GALNTL6: variants seen among roughly 807,000 people sequenced by gnomAD.
GALNTL6 encodes the protein polypeptide N-acetylgalactosaminyltransferase like 6.
GALNTL6 carries 46 observed loss-of-function variants against 73.7 expected under a neutral mutation model. That is an observed-to-expected ratio of 0.62 (90% CI 0.49 to 0.80). The LOEUF (loss-of-function observed/expected upper bound fraction) is 0.80. Among genes scored for constraint, GALNTL6 ranks in the 30% least tolerant of loss-of-function variants. The pLI, the probability that GALNTL6 is intolerant of heterozygous loss-of-function variation, is 0.00. For missense variants in GALNTL6, 604 were observed against 755.0 expected (o/e 0.80, Z 2.34); for synonymous variants, 259 against 263.7 (o/e 0.98, Z 0.17).
At chr4:172,044,996 C>T (rs1041470402) in intron 2 of GALNTL6, among the ~76,000 whole-genome samples, 1 of 151,984 alleles carries the variant, frequency 6.6e-6, no homozygotes, top group African/African-American at 2.4e-5. Flanking sequence ...GTATGCCAGC[C>T]TGTGCTGTGT....
chr4:171,938,800 T>C (rs1012441146), intron 2 of GALNTL6, among the ~76,000 whole-genome samples: 4 of 152,100 alleles, frequency 2.6e-5, no homozygotes, highest in Non-Finnish European at 4.4e-5. Context: ...TCCTATCTAA[T>C]GAAAGTAGAG....
At chr4:172,249,239 T>C (rs1737765906) in intron 3 of GALNTL6, among the ~76,000 whole-genome samples, 1 of 152,210 alleles carries the variant, frequency 6.6e-6, no homozygotes. Flanking sequence ...AAGGTCACTC[T>C]TGCTATGCAA....
intron 2 of GALNTL6, among the ~76,000 whole-genome samples, chr4:171,984,391 T>C (rs1294791190): frequency 2.0e-5 from 3 of 152,162 alleles, no homozygotes; most frequent in Non-Finnish European, 4.4e-5. Context: ...TGAGAGGAAG[T>C]GAGCAGGTAG....
intron 12 of GALNTL6, among the ~76,000 whole-genome samples, chr4:173,022,218 AGG>A (rs1208169105): frequency 4.7e-5 from 7 of 148,646 alleles, no homozygotes; most frequent in Non-Finnish European, 8.9e-5. Flanking sequence ...GAAGGAAGGA[AGG>A]AAGGAAGTTT....
intron 2 of GALNTL6, among the ~76,000 whole-genome samples, chr4:172,189,289 T>C (rs1735502437): frequency 6.6e-6 from 1 of 152,156 alleles, no homozygotes. Flanking sequence ...TCTACTGAAA[T>C]AGAATGAATA....
intron 2 of GALNTL6, among the ~76,000 whole-genome samples, chr4:171,847,762 C>A (rs1735413412): frequency 6.6e-6 from 1 of 152,126 alleles, no homozygotes; most frequent in Admixed American, 6.6e-5. Context: ...GAGATTGCAC[C>A]AACTCAGTCA....
chr4:172,075,597 A>C (rs779276266), intron 2 of GALNTL6, among the ~76,000 whole-genome samples: 10 of 152,118 alleles, frequency 6.6e-5, no homozygotes, highest in Non-Finnish European at 1.3e-4. Flanking sequence ...GGCCTCCCAA[A>C]GTGCTGGGAT....
Position 172,122,833 on chromosome 4 carries a change from C to G in GALNTL6, c.139-106823C>G, listed in dbSNP as rs562977522. 2.7e-4 allele frequency among the ~76,000 whole-genome samples: 41 copies of G among 152,290 alleles called. 1 individual carries two copies. In the South Asian group the frequency reaches 3.7e-3, roughly 14 times the overall value. ...TCTCTTTCCTGGGGGGAACCCTTAC[C>G]TGCTCATGTCTGGCTATGTGCCTAT... is the stretch of plus-strand genomic sequence containing the variant. On this transcript the variant is annotated intron_variant, in intron 2 of 12. Coordinates refer to ENST00000506823, the MANE Select transcript of GALNTL6 (RefSeq NM_001034845.3).
intron 2 of GALNTL6, among the ~76,000 whole-genome samples, chr4:171,949,249 A>G (rs62326317): frequency 0.24 from 35,814 of 152,046 alleles, 4,456 homozygotes; most frequent in Middle Eastern, 0.33. Flanking sequence ...TACCTTTAAG[A>G]TACATTAAGA....
At chr4:172,331,341 G>A (rs1741118230) in intron 4 of GALNTL6, among the ~76,000 whole-genome samples, 1 of 151,806 alleles carries the variant, frequency 6.6e-6, no homozygotes. Flanking sequence ...GTGCAGTGGT[G>A]CGATCTGGGC....
rs1554034192 is a variant in GALNTL6 at position 172,546,790 on chromosome 4, A to ATATATACGTATATATACG, written c.553+198108_553+198125dup. On this transcript the variant is annotated intron_variant, in intron 5 of 12. Transcript: ENST00000506823. ...AGAGTTTTTCAACTCCGCTTTATAT[A>ATATATACGTATATATACG]TATATACGTATATATACGTATATAT... 7.1e-3 allele frequency among the ~76,000 whole-genome samples: 268 copies of ATATATACGTATATATACG among 37,522 alleles called. 29 individuals are homozygous for ATATATACGTATATATACG. The highest frequency in any genetic ancestry group is 0.013 in the Non-Finnish European group (208 of 15,588). The allele number at this position is 37,522 out of a possible 152,430, so 24.6% of individuals were successfully genotyped here.
chr4:171,972,510 C>T (rs890840782), intron 2 of GALNTL6, among the ~76,000 whole-genome samples: 2 of 152,006 alleles, frequency 1.3e-5, no homozygotes, highest in Admixed American at 6.6e-5. Flanking sequence ...GCCTGTGGGT[C>T]ATTTGATACA....
chr4:171,988,770 G>A (rs1412827786), intron 2 of GALNTL6, among the ~76,000 whole-genome samples: 1 of 152,130 alleles, frequency 6.6e-6, no homozygotes, highest in Non-Finnish European at 1.5e-5. Flanking sequence ...CAGTGGGATG[G>A]GATATTGGCA....
chr4:172,045,621 T>C (rs1034330907), intron 2 of GALNTL6, among the ~76,000 whole-genome samples: 1 of 151,988 alleles, frequency 6.6e-6, no homozygotes, highest in African/African-American at 2.4e-5. Flanking sequence ...AAAACTACTG[T>C]TCCTTTTTAG....
chr4:171,817,129 T>C (rs936255510), intron 2 of GALNTL6, among the ~76,000 whole-genome samples: 3 of 151,992 alleles, frequency 2.0e-5, no homozygotes, highest in Non-Finnish European at 4.4e-5. Flanking sequence ...TTGCAAAATA[T>C]TGAGGATGAA....
intron 5 of GALNTL6, among the ~76,000 whole-genome samples, chr4:172,487,020 A>G (rs752070186): frequency 1.4e-4 from 22 of 152,242 alleles, no homozygotes; most frequent in Non-Finnish European, 2.8e-4. Flanking sequence ...TGCTATCTAT[A>G]TACTTGTAAC....
At chr4:172,196,872 A>C (rs1735788762) in intron 2 of GALNTL6, among the ~76,000 whole-genome samples, 3 of 152,206 alleles carry the variant, frequency 2.0e-5, no homozygotes, top group Admixed American at 6.5e-5. Context: ...TCCCTTTGAA[A>C]ACTGGCAGAT....
chr4:171,827,089 T>A (rs945558835), intron 2 of GALNTL6, among the ~76,000 whole-genome samples: 2 of 152,158 alleles, frequency 1.3e-5, no homozygotes, highest in African/African-American at 2.4e-5. Context: ...GGGATCAGTG[T>A]TCCAAAGTGG....
chr4:172,057,710 AAAAAAAAAAAAAAAAAAAT>A (rs1453585161), intron 2 of GALNTL6, among the ~76,000 whole-genome samples: 2 of 23,238 alleles, frequency 8.6e-5, no homozygotes, highest in Non-Finnish European at 1.7e-4. Context: ...TCAAAAAAAA[AAAAAAAAAAAAAAAAAAAT>A]ATATATATAT....
Sources: allele counts gnomAD v4.1 joint callset (sites outside exome capture counted in the v4.1 genomes callset), GRCh38; gene constraint gnomAD v4.1.1; transcripts MANE v1.5; gene names NCBI Gene and HGNC (gene_info 2026-07-23, HGNC 2026-07-21).